Variants in LRP1B observed in about 807,000 individuals in gnomAD.
LRP1B encodes the protein LDL receptor related protein 1B, also known as low-density lipoprotein receptor-related protein 1B.
Under a neutral mutation model 556.6 loss-of-function variants are expected in LRP1B, and 217 were observed. That is an observed-to-expected ratio of 0.39 (90% CI 0.35 to 0.44). LRP1B has a LOEUF of 0.44. LRP1B is among the 20% of genes least tolerant of loss of function. The pLI is 1.00. For synonymous variants in LRP1B, 2,047 were observed against 1,865.8 expected, an observed-to-expected ratio of 1.10 and a Z score of -2.50; for missense variants, 5,053 against 5,620.8, an observed-to-expected ratio of 0.90 and a Z score of 3.23.
chr2:141,706,724 C>T (rs942543640), intron 2 of LRP1B, among the ~76,000 whole-genome samples: 6 of 151,864 alleles, frequency 4.0e-5, no homozygotes, highest in Non-Finnish European at 8.8e-5. Flanking sequence ...CTTAATATCT[C>T]GTTAGGCCAA....
intron 2 of LRP1B, among the ~76,000 whole-genome samples, chr2:141,687,303 T>C (rs549566631): frequency 6.6e-6 from 1 of 152,102 alleles, no homozygotes; most frequent in African/African-American, 2.4e-5. Flanking sequence ...TATTTACTCT[T>C]AGTGAAAATC....
intron 32 of LRP1B, among the ~76,000 whole-genome samples, chr2:140,804,180 G>A (rs1213453684): frequency 6.6e-6 from 1 of 151,974 alleles, no homozygotes; most frequent in East Asian, 1.9e-4. Context: ...CAAATTATCA[G>A]ACTCCCCACC....
At chr2:140,462,097 A>C in intron 60 of LRP1B, among the ~76,000 whole-genome samples, 1 of 152,196 alleles carries the variant, frequency 6.6e-6, no homozygotes, top group Non-Finnish European at 1.5e-5. Context: ...GTAATCCCCT[A>C]AAACTTTAAA....
chr2:140,552,641 A>G (rs1310165687), intron 43 of LRP1B, among the ~76,000 whole-genome samples: 1 of 152,140 alleles, frequency 6.6e-6, no homozygotes, highest in African/African-American at 2.4e-5. Context: ...GCCTAGTCAG[A>G]GTCTTTATGT....
At chr2:140,719,771 G>T (rs1370769913) in intron 35 of LRP1B, among the ~76,000 whole-genome samples, 1 of 151,972 alleles carries the variant, frequency 6.6e-6, no homozygotes, top group Admixed American at 6.6e-5. Context: ...TTGGGAAATT[G>T]GTGAGTAAAT....
chr2:140,437,938 T>C (rs1401115), intron 66 of LRP1B, among the ~76,000 whole-genome samples: 48,460 of 151,882 alleles, frequency 0.32, 8,197 homozygotes, highest in African/African-American at 0.35. Context: ...ATATAACTTA[T>C]ATAACATGAT....
chr2:140,996,877 C>A (rs1697262824), intron 15 of LRP1B, among the ~76,000 whole-genome samples: 1 of 151,880 alleles, frequency 6.6e-6, no homozygotes, highest in Non-Finnish European at 1.5e-5. Context: ...TATATAAAGA[C>A]CTATATATAT....
At chr2:142,129,572 T>TTCTTTCTC (rs1288848385) in intron 1 of LRP1B, among the ~76,000 whole-genome samples, 2 of 137,268 alleles carry the variant, frequency 1.5e-5, no homozygotes, top group African/African-American at 2.7e-5. Flanking sequence ...GGATCTGGGT[T>TTCTTTCTC]TCTTTCTCTC....
intron 2 of LRP1B, among the ~76,000 whole-genome samples, chr2:141,666,257 G>A (rs1340130456): frequency 6.6e-6 from 1 of 152,182 alleles, no homozygotes; most frequent in Non-Finnish European, 1.5e-5. Flanking sequence ...AGGCAACAAT[G>A]TTATCTTGTA....
chr2:140,950,744 G>A (rs764202370), intron 19 of LRP1B, among the ~76,000 whole-genome samples: 1 of 151,784 alleles, frequency 6.6e-6, no homozygotes, highest in Non-Finnish European at 1.5e-5. Context: ...CACCCTCCTC[G>A]GCCTCCCAAA....
chr2:140,782,284 G>A (rs908851512), intron 32 of LRP1B, among the ~76,000 whole-genome samples: 2 of 152,162 alleles, frequency 1.3e-5, no homozygotes, highest in Non-Finnish European at 2.9e-5. Context: ...CAGTACTTCA[G>A]ACTGAGACTG....
At chr2:141,389,324 G>C (rs1689960937) in intron 3 of LRP1B, among the ~76,000 whole-genome samples, 1 of 151,920 alleles carries the variant, frequency 6.6e-6, no homozygotes, top group African/African-American at 2.4e-5. Flanking sequence ...ATATATCTAG[G>C]GGCACTTGAT....
chr2:141,280,880 G>A (rs991256447), intron 3 of LRP1B, among the ~76,000 whole-genome samples: 17 of 151,890 alleles, frequency 1.1e-4, no homozygotes, highest in Non-Finnish European at 2.2e-4. Flanking sequence ...CCAAATAAAG[G>A]TGCAGCCCAT....
At chr2:140,914,099 C>T (rs1694504139) in intron 21 of LRP1B, among the ~76,000 whole-genome samples, 1 of 151,990 alleles carries the variant, frequency 6.6e-6, no homozygotes, top group East Asian at 1.9e-4. Context: ...TAAGATTCAG[C>T]AAATTTGAAC....
At chr2:140,791,269 A>G (rs1254516167) in intron 32 of LRP1B, among the ~76,000 whole-genome samples, 1 of 151,632 alleles carries the variant, frequency 6.6e-6, no homozygotes, top group African/African-American at 2.4e-5. Flanking sequence ...AAACAAAACA[A>G]AACAAAAAAA....
intron 2 of LRP1B, among the ~76,000 whole-genome samples, chr2:141,498,531 G>A (rs543876820): frequency 6.6e-6 from 1 of 151,756 alleles, no homozygotes; most frequent in African/African-American, 2.4e-5. Context: ...TTTTCGCAAT[G>A]GTACCCTTTT....
At chr2:141,576,828 T>A (rs915268011) in intron 2 of LRP1B, among the ~76,000 whole-genome samples, 39 of 146,270 alleles carry the variant, frequency 2.7e-4, no homozygotes, top group African/African-American at 9.3e-4. Flanking sequence ...TTTTTTTTTT[T>A]AAATTTTTTT....
chr2:140,545,620 T>C (rs1680303941), intron 43 of LRP1B, among the ~76,000 whole-genome samples: 1 of 152,134 alleles, frequency 6.6e-6, no homozygotes, highest in Admixed American at 6.6e-5. Flanking sequence ...TTCTGGAATC[T>C]CTATTCTGTT....
intron 59 of LRP1B, among the ~76,000 whole-genome samples, chr2:140,483,565 T>C (rs932589193): frequency 6.9e-6 from 1 of 144,874 alleles, no homozygotes; most frequent in African/African-American, 2.5e-5. Flanking sequence ...CACTCAAATA[T>C]ATATATATAT....
Sources: gnomAD v4.1 joint callset for allele counts (sites outside exome capture counted in the v4.1 genomes callset) on GRCh38, gnomAD v4.1.1 for gene constraint, MANE v1.5 for transcripts, NCBI Gene and HGNC (gene_info 2026-07-23, HGNC 2026-07-21) for gene names.